PCDHGA7: variants seen among roughly 807,000 people sequenced by gnomAD.
PCDHGA7 encodes protocadherin gamma-A7.
Under a neutral mutation model 58.3 loss-of-function variants are expected in PCDHGA7, and 44 were observed. The ratio of observed to expected loss-of-function variants is 0.75; its 90% CI spans 0.59 to 0.97. The LOEUF (loss-of-function observed/expected upper bound fraction) is 0.97. PCDHGA7 is among the 50% of genes least tolerant of loss of function. The probability of loss-of-function intolerance (pLI) is 0.00; values close to 1 mark genes in which losing one functional copy is unlikely to be tolerated. For missense variants in PCDHGA7, 1,266 were observed against 1,188.7 expected (o/e 1.06, Z -0.96); for synonymous variants, 516 against 504.2 (o/e 1.02, Z -0.31).
In PCDHGA7 at chr5:141,384,637, C is replaced by T. The variant is rs764454496; in HGVS notation, c.1738C>T (p.Arg580Cys). The change falls in exon 1 of 4, where the codon CGC becomes TGC. Residue 580 changes from arginine to cysteine, a missense_variant. Transcript: ENST00000518325. ...DGSTGMELAP[R>C]SAEPGYLVTK... ...TTCTACTGGCATGGAGCTGGCACCC[C>T]GCTCCGCAGAGCCCGGCTACCTGGT... is the stretch of plus-strand genomic sequence containing the variant. The T allele has an allele frequency of 1.7e-5, 28 of 1,614,114 alleles. No individual in the cohort carries two copies. The highest frequency in any genetic ancestry group is 1.6e-4 in the Middle Eastern group (1 of 6,082).
Position 141,478,507 on chromosome 5 carries a change from T to C in PCDHGA7, c.2425-16300T>C, listed in dbSNP as rs781120326. The C allele has an allele frequency of 4.3e-6, 7 of 1,612,048 alleles. No homozygotes were observed. In the East Asian group the frequency reaches 1.3e-4, roughly 31 times the overall value. On this transcript the variant is annotated intron_variant, in intron 1 of 3. Transcript: ENST00000518325. The stretch of plus-strand genomic sequence containing the variant: ...TGCGGAGCTGTGATCCGGTGTTCTA[T>C]AGGCAGGTGTTGGGTGCAGAGAGCG...
At chr5:141,464,470 C>T (rs1175806879) in intron 1 of PCDHGA7, among the ~76,000 whole-genome samples, 3 of 151,194 alleles carry the variant, frequency 2.0e-5, no homozygotes, top group Non-Finnish European at 2.9e-5. Flanking sequence ...GAAGTATGTA[C>T]GTATAATAAA....
chr5:141,502,282 C>A (rs187281689), intron 2 of PCDHGA7, among the ~76,000 whole-genome samples: 1 of 151,848 alleles, frequency 6.6e-6, no homozygotes, highest in Non-Finnish European at 1.5e-5. Flanking sequence ...GCATAGATTG[C>A]ATTTGGTTGT....
At chr5:141,396,645 A>G (rs1224275677) in intron 1 of PCDHGA7, 1 of 152,172 alleles carries the variant, frequency 6.6e-6, no homozygotes, top group Non-Finnish European at 1.5e-5. Context: ...TAATATTAAT[A>G]GTAAAAACTC....
Position 141,433,020 on chromosome 5 carries a change from C to T in PCDHGA7, c.2424+47697C>T, listed in dbSNP as rs761127608. 1.1e-5 allele frequency: 17 copies of T among 1,614,152 alleles called. No individual in the cohort carries two copies. The South Asian group carries it at 1.9e-4, about 18-fold the overall frequency. On this transcript the variant is annotated intron_variant, in intron 1 of 3. Coordinates refer to ENST00000518325, the MANE Select transcript of PCDHGA7 (RefSeq NM_018920.4). ...GTGCAGGCTTTCCTGCAGACCTATTCCCACGAGGTTTCCCTCACCACGGAC... is the reference window on the plus strand; with the variant it reads ...GTGCAGGCTTTCCTGCAGACCTATTTCCACGAGGTTTCCCTCACCACGGAC...
rs1267617024 is a variant in PCDHGA7 at position 141,476,542 on chromosome 5, G to T, written c.2425-18265G>T. The T allele has an allele frequency of 6.2e-7, 1 of 1,614,210 alleles. No individual in the cohort carries two copies. The highest frequency in any genetic ancestry group is 1.7e-5 in the Admixed American group (1 of 60,036). On this transcript the variant is annotated intron_variant, in intron 1 of 3. Transcript: ENST00000518325. This position sits in a 1 kb window ranked among gnomAD's most constrained non-coding sequence, Gnocchi z 7.6. ...CTTTCCCTACCCAGGAAATGAAATT[G>T]GAGATTAGCGAGGCCGTGGCTCCGG...
intron 1 of PCDHGA7, among the ~76,000 whole-genome samples, chr5:141,448,768 G>T (rs544426582): frequency 2.6e-5 from 4 of 151,750 alleles, no homozygotes; most frequent in Non-Finnish European, 4.4e-5. Context: ...GTGAAACCCC[G>T]TCTGTACTAA....
chr5:141,404,826 A>C lies in PCDHGA7; in HGVS notation c.2424+19503A>C, dbSNP rs771996319. 2.5e-6 allele frequency: 4 copies of C among 1,613,710 alleles called. No individual in the cohort carries two copies. In the South Asian group the frequency reaches 3.3e-5, roughly 13 times the overall value. The stretch of plus-strand genomic sequence containing the variant: ...TTCTCGGTGGGGCTGCACACAGGTG[A>C]AGTGCGCACAGCTCGGGCCCTGCTA... On this transcript the variant is annotated intron_variant, in intron 1 of 3. Transcript: ENST00000518325.
chr5:141,395,185 T>C, intron 1 of PCDHGA7: 1 of 1,614,158 alleles, frequency 6.2e-7, no homozygotes, highest in Non-Finnish European at 8.5e-7. Context: ...AATGATTCTT[T>C]GTTAACATCC....
At chr5:141,410,513 G>C in intron 1 of PCDHGA7, 1 of 1,613,954 alleles carries the variant, frequency 6.2e-7, no homozygotes, top group Non-Finnish European at 8.5e-7. Context: ...AAAATGCAGT[G>C]TGCCCCTACA....
At chr5:141,444,473 G>C (rs943971075) in intron 1 of PCDHGA7, among the ~76,000 whole-genome samples, 6 of 151,972 alleles carry the variant, frequency 3.9e-5, no homozygotes, top group South Asian at 2.1e-4. Flanking sequence ...GCCCGGTCGC[G>C]TACTGGATTT....
intron 1 of PCDHGA7, chr5:141,409,619 C>A: frequency 6.2e-7 from 1 of 1,613,898 alleles, no homozygotes; most frequent in Non-Finnish European, 8.5e-7. Flanking sequence ...CTCCATTGCG[C>A]AAGTGAGCGC....
At chr5:141,451,812 C>T (rs974567828) in intron 1 of PCDHGA7, among the ~76,000 whole-genome samples, 1 of 149,686 alleles carries the variant, frequency 6.7e-6, no homozygotes, top group Non-Finnish European at 1.5e-5. Context: ...ACCCAGGAGG[C>T]GGAGGTTACA....
At chr5:141,449,588 CAAAA>C (rs768743917) in intron 1 of PCDHGA7, among the ~76,000 whole-genome samples, 2 of 57,488 alleles carry the variant, frequency 3.5e-5, no homozygotes, top group Non-Finnish European at 3.7e-5. Flanking sequence ...GACTCTGTCT[CAAAA>C]AAAAAAAAAA....
At chr5:141,429,925 A>G (rs1009987955) in intron 1 of PCDHGA7, among the ~76,000 whole-genome samples, 5 of 152,244 alleles carry the variant, frequency 3.3e-5, no homozygotes, top group African/African-American at 1.2e-4. Flanking sequence ...TATTAATAGA[A>G]TTCTGGAGTA....
At chr5:141,433,321 G>T in intron 1 of PCDHGA7, 1 of 788,106 alleles carries the variant, frequency 1.3e-6, no homozygotes. Flanking sequence ...TGCCTCCGGT[G>T]TAACAGGGAC....
chr5:141,406,532 G>A (rs58503510), intron 1 of PCDHGA7, among the ~76,000 whole-genome samples: 16,962 of 152,088 alleles, frequency 0.11, 1,106 homozygotes, highest in African/African-American at 0.18. Context: ...ATTTTCTGAC[G>A]AAGATTCAAA....
At chr5:141,404,465 G>C in intron 1 of PCDHGA7, 1 of 1,613,516 alleles carries the variant, frequency 6.2e-7, no homozygotes, top group Non-Finnish European at 8.5e-7. Flanking sequence ...CTCCACCTAT[G>C]TCTCTATTAA....
At chr5:141,398,963 ATTCCT>A in intron 1 of PCDHGA7, 1 of 1,613,976 alleles carries the variant, frequency 6.2e-7, no homozygotes, top group Non-Finnish European at 8.5e-7. Flanking sequence ...GAAATTACTT[ATTCCT>A]TCTACAGAAC....
Sources: allele counts gnomAD v4.1 joint callset (sites outside exome capture counted in the v4.1 genomes callset), GRCh38; gene constraint gnomAD v4.1.1; non-coding constraint Gnocchi (gnomAD v3.1); transcripts MANE v1.5; gene names NCBI Gene and HGNC (gene_info 2026-07-23, HGNC 2026-07-21).